Variants in LRRK2 observed in about 807,000 individuals in gnomAD.
The protein encoded by LRRK2 is leucine rich repeat kinase 2, also known as leucine-rich repeat serine/threonine-protein kinase 2.
A neutral mutation model predicts 302.6 loss-of-function variants in LRRK2; 203 were observed. The ratio of observed to expected loss-of-function variants is 0.67; its 90% CI spans 0.60 to 0.75. The LOEUF (loss-of-function observed/expected upper bound fraction) is 0.75, where lower values mean the gene tolerates loss of function less well. Ranked by LOEUF, LRRK2 falls within the 30% of genes least tolerant of loss-of-function variation. The pLI is 0.00. For synonymous variants in LRRK2, 1,066 were observed against 1,031.9 expected, an observed-to-expected ratio of 1.03 and a Z score of -0.63; for missense variants, 2,830 against 2,951.0, an observed-to-expected ratio of 0.96 and a Z score of 0.95.
rs1473542529 is a variant in LRRK2, at chr12:40,311,938, C to T, written c.4536+1289C>T. Among the ~76,000 whole-genome samples the T allele has an allele frequency of 2.0e-5, 3 of 148,682 alleles. No homozygotes were observed. The Admixed American group carries it at 2.1e-4, about 10-fold the overall frequency. ...GAAAAACAAATACACAAAATTTATT[C>T]ATCCAATTAATCTCTTAATCCAGGT... On this transcript the variant is annotated intron_variant, in intron 31 of 50. Transcript: ENST00000298910.
chr12:40,230,793 G>T (rs1048371193), intron 2 of LRRK2, among the ~76,000 whole-genome samples: 1 of 151,766 alleles, frequency 6.6e-6, no homozygotes, highest in Admixed American at 6.6e-5. Context: ...TTCATCTCCG[G>T]TTTGAAATCA....
rs530900955 is a variant in LRRK2 at position 40,367,184 on chromosome 12, A to C, written c.7462+107A>C. 1.1e-4 allele frequency: 102 copies of C among 958,678 alleles called. No individual in the cohort carries two copies. The South Asian group carries it at 1.5e-3, about 14-fold the overall frequency. The allele number at this position is 958,678 out of a possible 1,614,324, so 59.4% of individuals were successfully genotyped here. On this transcript the variant is annotated intron_variant, in intron 50 of 50. Transcript: ENST00000298910. ...AGAAAATATTACATATGGTATAATCAGGAATTTTAATTGGTAGTTTATAGT... is the reference window on the plus strand; with the variant it reads ...AGAAAATATTACATATGGTATAATCCGGAATTTTAATTGGTAGTTTATAGT...
intron 23 of LRRK2, among the ~76,000 whole-genome samples, chr12:40,296,182 T>A (rs1944378999): frequency 6.6e-6 from 1 of 152,206 alleles, no homozygotes; most frequent in Non-Finnish European, 1.5e-5. Context: ...AGTTCCTGTC[T>A]TGTAAGAATT....
At chr12:40,279,535 G>T (rs576239612) in intron 18 of LRRK2, among the ~76,000 whole-genome samples, 1 of 152,054 alleles carries the variant, frequency 6.6e-6, no homozygotes, top group Non-Finnish European at 1.5e-5. Flanking sequence ...TTTGCATGCA[G>T]ATTATTGCAT....
chr12:40,272,832 C>A (rs559680755), intron 14 of LRRK2, among the ~76,000 whole-genome samples: 2 of 151,844 alleles, frequency 1.3e-5, no homozygotes, highest in African/African-American at 4.8e-5. Flanking sequence ...TCTGATTATA[C>A]GAAATTAAAG....
intron 6 of LRRK2, among the ~76,000 whole-genome samples, chr12:40,242,444 T>A (rs1002591134): frequency 2.6e-5 from 4 of 151,802 alleles, no homozygotes; most frequent in African/African-American, 9.7e-5. Flanking sequence ...TCTGGTAGAG[T>A]CTTTCTTTCC....
At chr12:40,261,238 A>G (rs1374732457) in intron 13 of LRRK2, among the ~76,000 whole-genome samples, 2 of 152,182 alleles carry the variant, frequency 1.3e-5, no homozygotes, top group African/African-American at 4.8e-5. Context: ...GATTATCCTT[A>G]AAGTTGACAG....
intron 33 of LRRK2, 29 bp from the exon 34 acceptor site, chr12:40,319,959 A>T (rs751519700): frequency 6.3e-7 from 1 of 1,582,512 alleles, no homozygotes; most frequent in Non-Finnish European, 8.6e-7. Flanking sequence ...AATAAATTTT[A>T]GTGATTATTT....
At chr12:40,306,570 C>A (rs925672268) in intron 28 of LRRK2, among the ~76,000 whole-genome samples, 2 of 152,090 alleles carry the variant, frequency 1.3e-5, no homozygotes, top group Non-Finnish European at 2.9e-5. Flanking sequence ...TTATTACTTT[C>A]TCATAAAATC....
chr12:40,254,108 C>T (rs1942398067), intron 11 of LRRK2, among the ~76,000 whole-genome samples: 2 of 152,040 alleles, frequency 1.3e-5, no homozygotes, highest in African/African-American at 4.8e-5. Context: ...AGGAATACTG[C>T]CAGAAATCCT....
intron 41 of LRRK2, among the ~76,000 whole-genome samples, chr12:40,343,921 G>A (rs992936349): frequency 2.0e-5 from 3 of 152,126 alleles, no homozygotes; most frequent in African/African-American, 4.8e-5. Context: ...TATTATAATT[G>A]AGGCACTTTA....
chr12:40,263,098 A>T (rs968893866), intron 13 of LRRK2, among the ~76,000 whole-genome samples: 1 of 152,236 alleles, frequency 6.6e-6, no homozygotes, highest in African/African-American at 2.4e-5. Context: ...AAAGTGGAAG[A>T]TCATAAATGA....
At chr12:40,251,112 C>T (rs1269770580) in intron 8 of LRRK2, 120 bp from the exon 9 acceptor site, 3 of 619,824 alleles carry the variant, frequency 4.8e-6, no homozygotes, top group South Asian at 5.2e-5. Flanking sequence ...TTGACCAAGG[C>T]TTCTCCTAAA....
chr12:40,315,549 T>C lies in LRRK2; in HGVS notation c.4827+249T>C, dbSNP rs73102773. On this transcript the variant is annotated intron_variant, in intron 33 of 50. Coordinates refer to ENST00000298910, the MANE Select transcript of LRRK2 (RefSeq NM_198578.4). ...CAGATGTTTGTATCACTCTGCCCCA[T>C]GCTGCTTTACTAGATCCTGATGATG... 0.012 allele frequency among the ~76,000 whole-genome samples: 1,811 copies of C among 152,098 alleles called. 49 individuals carry two copies. Among genetic ancestry groups the C allele is most frequent in the African/African-American group, 0.039 (1,607 of 41,514 alleles).
chr12:40,324,329 A>G (rs901398950), intron 38 of LRRK2, among the ~76,000 whole-genome samples: 3 of 152,160 alleles, frequency 2.0e-5, no homozygotes, highest in Non-Finnish European at 2.9e-5. Context: ...AAGTTTAGCT[A>G]TTTAACATAT....
chr12:40,338,877 C>G (rs1945952251), intron 40 of LRRK2, among the ~76,000 whole-genome samples: 1 of 152,100 alleles, frequency 6.6e-6, no homozygotes, highest in Admixed American at 6.6e-5. Context: ...GGGAAGAGTA[C>G]CTAATGGCCT....
intron 24 of LRRK2, among the ~76,000 whole-genome samples, chr12:40,298,798 T>TATATATATATATATAA (rs57355300): frequency 8.5e-5 from 8 of 94,266 alleles, no homozygotes; most frequent in Admixed American, 5.7e-4. Flanking sequence ...TATATATATA[T>TATATATATATATATAA]AATATATGTA....
intron 32 of LRRK2, among the ~76,000 whole-genome samples, chr12:40,314,591 A>G (rs1398721991): frequency 1.3e-5 from 2 of 152,068 alleles, no homozygotes; most frequent in East Asian, 1.9e-4. Flanking sequence ...TGGAGAGTCA[A>G]TGGCTCCCTG....
intron 40 of LRRK2, among the ~76,000 whole-genome samples, chr12:40,338,618 C>A (rs1481770392): frequency 6.6e-6 from 1 of 152,178 alleles, no homozygotes; most frequent in South Asian, 2.1e-4. Flanking sequence ...ATTAGAACTG[C>A]ACTTCTTAAG....
Sources: allele counts gnomAD v4.1 joint callset (sites outside exome capture counted in the v4.1 genomes callset), GRCh38; gene constraint gnomAD v4.1.1; transcripts MANE v1.5; gene names NCBI Gene and HGNC (gene_info 2026-07-23, HGNC 2026-07-21).